Variants in LGALS4 observed in about 807,000 individuals in gnomAD.
LGALS4 encodes the protein galectin 4, also known as galectin-4.
LGALS4 carries 37 observed loss-of-function variants against 39.6 expected under a neutral mutation model. The ratio of observed to expected loss-of-function variants is 0.93; its 90% CI spans 0.72 to 1.23. The LOEUF is 1.23. Among genes scored for constraint, LGALS4 ranks in the 50% most tolerant of loss-of-function variants. LGALS4 has a pLI of 0.00. For synonymous variants in LGALS4, 160 were observed against 165.5 expected (o/e 0.97, Z 0.25); for missense variants, 397 against 433.2 (o/e 0.92, Z 0.74).
At chr19:38,803,361 C>A in intron 7 of LGALS4, 161 bp downstream of exon 7, 1 of 687,414 alleles carries the variant, frequency 1.5e-6, no homozygotes, top group Non-Finnish European at 2.5e-6. Context: ...TGGAAAACAT[C>A]CCCAATTCCT....
chr19:38,809,003 C>A, intron 2 of LGALS4, 55 bp from the exon 3 acceptor site: 1 of 1,454,220 alleles, frequency 6.9e-7, no homozygotes, highest in South Asian at 1.3e-5. Flanking sequence ...GGCCTGGGGG[C>A]CTCCTCCAGG....
In LGALS4 at chr19:38,807,267, C is replaced by T. The variant is rs115726886; in HGVS notation, c.340-672G>A. Among the ~76,000 whole-genome samples the T allele has an allele frequency of 5.2e-3, 795 of 152,118 alleles. 8 individuals are homozygous for T. Among genetic ancestry groups the T allele is most frequent in the African/African-American group, 0.018 (761 of 41,486 alleles). The stretch of plus-strand genomic sequence containing the variant: ...CCTAGAGTCCCAGCTACTCCGGAGG[C>T]TAATGTGAGAGGATCACCTGAGCCC... On this transcript the variant is annotated intron_variant, in intron 3 of 9. Transcript: ENST00000307751.
At chr19:38,807,128 G>A (rs1971431320) in intron 3 of LGALS4, among the ~76,000 whole-genome samples, 2 of 152,044 alleles carry the variant, frequency 1.3e-5, no homozygotes, top group African/African-American at 4.8e-5. Flanking sequence ...AGCACTTTAG[G>A]AAGCCAAGGT....
At chr19:38,803,665 A>G (rs1172434152) in intron 6 of LGALS4, 77 bp downstream of exon 6, 8 of 1,595,990 alleles carry the variant, frequency 5.0e-6, no homozygotes, top group African/African-American at 1.3e-5. Flanking sequence ...TTGGGCTGCA[A>G]CCCCTCTTAG....
At position 38,808,874 on chromosome 19, in the gene LGALS4, C is replaced by G; in HGVS notation, c.209G>C (p.Gly70Ala). Residue 70 changes from glycine (G) to alanine (A), a missense_variant, in exon 3 of 10, where the codon GGC becomes GCC. Gly to Ala is a moderately conservative substitution (Grantham distance 60). Coordinates refer to ENST00000307751, the MANE Select transcript of LGALS4 (RefSeq NM_006149.4). Reference sequence around the variant, plus strand: ...CGTGTTGAAGACCACCTTGTCCCAGCCGTCAAACCGCGGATTGAAGTGGAA... The same window carrying G: ...CGTGTTGAAGACCACCTTGTCCCAGGCGTCAAACCGCGGATTGAAGTGGAA... ...VAFHFNPRFD[G>A]WDKVVFNTLQ... The G allele has an allele frequency of 6.2e-7, 1 of 1,614,184 alleles. No individual in the cohort carries two copies. The highest frequency in any genetic ancestry group is 8.5e-7 in the Non-Finnish European group (1 of 1,180,038).
Position 38,812,845 on chromosome 19 carries a change from G to T in LGALS4, c.42C>A (p.Asn14Lys). 1 of 1,611,746 alleles carries T rather than the reference G, an allele frequency of 6.2e-7. No individual in the cohort carries two copies. Among genetic ancestry groups the T allele is most frequent in the East Asian group, 2.2e-5 (1 of 44,882 alleles). Residue 14 changes from asparagine to lysine, a missense_variant, in exon 1 of 10, where the codon AAC becomes AAA. Coordinates refer to ENST00000307751, the MANE Select transcript of LGALS4 (RefSeq NM_006149.4). ...VPAPGYQPTY[N>K]PTLPYYQPIP... ...GGGGCCTGAGCTGGCATCTCACCGG[G>T]TTGTAGGTGGGCTGGTAGCCCGGTG...
At position 38,812,922 on chromosome 19, in the gene LGALS4, A is replaced by G; in HGVS notation, c.-36T>C. 1.2e-6 allele frequency: 2 copies of G among 1,602,276 alleles called. No individual in the cohort carries two copies. The highest frequency in any genetic ancestry group is 1.7e-6 in the Non-Finnish European group (2 of 1,175,296). ...TGCGCTAGTGGCTGGTCCTGTGAGA[A>G]GAGCTGCAGGAGTGGGAGATGGTGG... On this transcript the variant is annotated 5_prime_UTR_variant, in exon 1 of 10. Transcript: ENST00000307751.
chr19:38,802,302 A>G lies in LGALS4; in HGVS notation c.659+14T>C. ...AGGAGGGGGCTGGGGGTTCCCACCT[A>G]GTTTACGTTATACCTCTTGCCTGTG... On this transcript the variant is annotated intron_variant, in intron 8 of 9. Coordinates refer to ENST00000307751, the MANE Select transcript of LGALS4 (RefSeq NM_006149.4). 6.2e-7 allele frequency: 1 copy of G among 1,611,454 alleles called. No individual in the cohort carries two copies.
chr19:38,806,041 C>T (rs1176918610), intron 4 of LGALS4, among the ~76,000 whole-genome samples: 1 of 151,890 alleles, frequency 6.6e-6, no homozygotes, highest in East Asian at 1.9e-4. Context: ...CACTGTACTC[C>T]AGCCTGGGAG....
At position 38,812,460 on chromosome 19, in the gene LGALS4, G is replaced by T. The variant is rs1194019540; in HGVS notation, c.105C>A (p.Ile35=). ...TCATGTGCTCGCTGGCCACTCCTTG[G>T]ATGTAAACAGACATTCCCACGTTGA... ...GGLNVGMSVY[I]QGVASEHMKR... Residue 35 remains isoleucine (I), a synonymous_variant, in exon 2 of 10, where the codon ATC becomes ATA. Coordinates refer to ENST00000307751, the MANE Select transcript of LGALS4 (RefSeq NM_006149.4). 6.2e-7 allele frequency: 1 copy of T among 1,614,162 alleles called. No homozygotes were observed. Among genetic ancestry groups the T allele is most frequent in the Admixed American group, 1.7e-5 (1 of 60,014 alleles).
chr19:38,804,428 C>T (rs537621859), intron 4 of LGALS4, among the ~76,000 whole-genome samples: 12 of 152,096 alleles, frequency 7.9e-5, no homozygotes, highest in Non-Finnish European at 1.5e-4. Context: ...TACAAGCATG[C>T]GCCACCACGC....
chr19:38,812,084 A>G (rs1411212476), intron 2 of LGALS4, among the ~76,000 whole-genome samples: 1 of 152,158 alleles, frequency 6.6e-6, no homozygotes, highest in Admixed American at 6.5e-5. Flanking sequence ...AGGTATAGTC[A>G]CTTTCACTCT....
At chr19:38,811,838 A>AC (rs1405697760) in intron 2 of LGALS4, among the ~76,000 whole-genome samples, 7 of 151,982 alleles carry the variant, frequency 4.6e-5, no homozygotes, top group Non-Finnish European at 8.8e-5. Flanking sequence ...ACATGGTGAA[A>AC]CCCCATCTCT....
chr19:38,812,018 C>CAAAAAA (rs57756863), intron 2 of LGALS4, among the ~76,000 whole-genome samples: 1 of 139,732 alleles, frequency 7.2e-6, no homozygotes, highest in Non-Finnish European at 1.6e-5. Flanking sequence ...CATCTCAAAA[C>CAAAAAA]AAAAAAAAAA....
chr19:38,809,448 G>C (rs1418643623), intron 2 of LGALS4, among the ~76,000 whole-genome samples: 2 of 151,822 alleles, frequency 1.3e-5, no homozygotes, highest in African/African-American at 2.4e-5. Context: ...CCAAAGTGCT[G>C]GGATTACAGG....
rs1971392187 is a variant in LGALS4 at position 38,803,892 on chromosome 19, G to C, written c.478C>G (p.Pro160Ala). ...ACAGGGTAAGGTGGCATCATCGGGGGTCCCTGTGGGCACAGAAAGAGAAAG... is the reference window on the plus strand; with the variant it reads ...ACAGGGTAAGGTGGCATCATCGGGGCTCCCTGTGGGCACAGAAAGAGAAAG... ...IGGQPLRPQG[P>A]PMMPPYPGPG... The change falls in exon 5 of 10, where the codon CCC (proline) becomes GCC (alanine). Residue 160 changes from proline (P) to alanine (A), a missense_variant. Coordinates refer to ENST00000307751, the MANE Select transcript of LGALS4 (RefSeq NM_006149.4). 1 of 1,609,054 alleles carries C rather than the reference G, an allele frequency of 6.2e-7. No homozygotes were observed. Among genetic ancestry groups the C allele is most frequent in the Non-Finnish European group, 8.5e-7 (1 of 1,177,578 alleles).
At chr19:38,808,673 G>A in intron 3 of LGALS4, 71 bp downstream of exon 3, 1 of 1,197,064 alleles carries the variant, frequency 8.4e-7, no homozygotes, top group South Asian at 1.4e-5. Context: ...AAGGAAGGCG[G>A]GAAGGAAGGA....
rs745604128 is a variant in LGALS4, at chr19:38,808,737, T to C, written c.339+7A>G. 2.5e-6 allele frequency: 4 copies of C among 1,612,606 alleles called. No individual in the cohort carries two copies. The highest frequency in any genetic ancestry group is 1.3e-5 in the African/African-American group (1 of 74,758). On this transcript the variant is annotated splice_region_variant and intron_variant, in intron 3 of 9. Coordinates refer to ENST00000307751, the MANE Select transcript of LGALS4 (RefSeq NM_006149.4). ...AGCTTGGGAAACAAGAGAGAAAGCA[T>C]GCAGACCTTGTAGTGCTCAGCCAGG...
chr19:38,809,030 G>T, intron 2 of LGALS4, 82 bp from the exon 3 acceptor site: 1 of 1,241,884 alleles, frequency 8.1e-7, no homozygotes, highest in Admixed American at 2.1e-5. Context: ...TCTCCCTGCC[G>T]CCCTGTCCTC....
Sources: allele counts gnomAD v4.1 joint callset (sites outside exome capture counted in the v4.1 genomes callset), GRCh38; gene constraint gnomAD v4.1.1; transcripts MANE v1.5; gene names NCBI Gene and HGNC (gene_info 2026-07-23, HGNC 2026-07-21).